The following GLMN variants were observed in gnomAD, a reference collection of about 807,000 sequenced individuals.
GLMN encodes the protein glomulin.
In GLMN, 75 loss-of-function variants were observed where a neutral mutation model predicts 87.8. The ratio of observed to expected loss-of-function variants is 0.85; its 90% CI spans 0.71 to 1.04. The LOEUF (loss-of-function observed/expected upper bound fraction) is 1.04, where lower values mean the gene tolerates loss of function less well. Among genes scored for constraint, GLMN ranks in the 50% least tolerant of loss-of-function variants. The pLI, the probability that GLMN is intolerant of heterozygous loss-of-function variation, is 0.00. For missense variants in GLMN, 588 were observed against 658.8 expected (o/e 0.89, Z 1.18); for synonymous variants, 206 against 221.6 (o/e 0.93, Z 0.63).
At chr1:92,280,861 G>C (rs1019507682) in intron 7 of GLMN, among the ~76,000 whole-genome samples, 2 of 152,002 alleles carry the variant, frequency 1.3e-5, no homozygotes, top group African/African-American at 4.8e-5. Flanking sequence ...TGGAAGAAAG[G>C]GTATCAGTGA....
chr1:92,297,713 C>T (rs1650284666), intron 2 of GLMN, 184 bp from the exon 3 acceptor site: 4 of 644,618 alleles, frequency 6.2e-6, no homozygotes, highest in South Asian at 2.0e-5. Context: ...TAATAAGTGA[C>T]CTTGAAATCT....
chr1:92,279,911 G>A (rs1016006255), intron 7 of GLMN, among the ~76,000 whole-genome samples: 4 of 152,232 alleles, frequency 2.6e-5, no homozygotes, highest in Non-Finnish European at 4.4e-5. Context: ...AGGGGTGTCC[G>A]CCATTGCTGA....
the GLMN span, among the ~76,000 whole-genome samples, chr1:92,330,990 T>C: frequency 6.6e-6 from 1 of 152,136 alleles, no homozygotes; most frequent in Non-Finnish European, 1.5e-5. Flanking sequence ...AGAAGCACTG[T>C]TGGGGTGTGG....
chr1:92,286,661 C>G, intron 6 of GLMN, 69 bp from the exon 7 acceptor site: 1 of 800,924 alleles, frequency 1.2e-6, no homozygotes, highest in Non-Finnish European at 2.2e-6. Context: ...GTCTTCAAAT[C>G]TAAGTTAATT....
At chr1:92,323,732 C>G in the GLMN span, 4 of 1,614,110 alleles carry the variant, frequency 2.5e-6, no homozygotes, top group Non-Finnish European at 3.4e-6. Flanking sequence ...GTAGATGTCA[C>G]TGAGCAGTTA....
At chr1:92,338,879 C>T in the GLMN span, among the ~76,000 whole-genome samples, 1 of 152,096 alleles carries the variant, frequency 6.6e-6, no homozygotes, top group South Asian at 2.1e-4. Flanking sequence ...GCTGGGATTA[C>T]AGACACAGGC....
the GLMN span, among the ~76,000 whole-genome samples, chr1:92,339,367 T>C: frequency 1.5e-5 from 2 of 130,624 alleles, no homozygotes; most frequent in Non-Finnish European, 3.1e-5. Context: ...ATTTAATTGG[T>C]TTGGCATATG....
intron 16 of GLMN, among the ~76,000 whole-genome samples, chr1:92,248,780 C>CA (rs1340550340): frequency 6.7e-6 from 1 of 150,334 alleles, no homozygotes; most frequent in African/African-American, 2.5e-5. Context: ...ATAAAATCTA[C>CA]ACATGTCTAT....
intron 16 of GLMN, among the ~76,000 whole-genome samples, chr1:92,252,531 TC>T (rs1463146783): frequency 6.6e-6 from 1 of 152,232 alleles, no homozygotes; most frequent in Non-Finnish European, 1.5e-5. Flanking sequence ...TCATAAAACT[TC>T]AGGTAATAAA....
chr1:92,302,219 G>A (rs758001586), upstream of GLMN, among the ~76,000 whole-genome samples: 1 of 151,940 alleles, frequency 6.6e-6, no homozygotes, highest in African/African-American at 2.4e-5. Context: ...AGACGTTGCA[G>A]TGAGCTGAGA....
At chr1:92,274,767 C>T (rs1051922657) in intron 7 of GLMN, among the ~76,000 whole-genome samples, 6 of 152,148 alleles carry the variant, frequency 3.9e-5, no homozygotes, top group African/African-American at 1.2e-4. Context: ...ATACTTTAAA[C>T]TCCAATATCC....
intron 3 of GLMN, among the ~76,000 whole-genome samples, chr1:92,295,229 T>C (rs932338800): frequency 6.6e-6 from 1 of 151,104 alleles, no homozygotes; most frequent in Admixed American, 6.6e-5. Flanking sequence ...GGCAGGCCTC[T>C]TCTCTCTACC....
chr1:92,250,440 A>G (rs1420235287), intron 16 of GLMN, among the ~76,000 whole-genome samples: 2 of 152,152 alleles, frequency 1.3e-5, no homozygotes, highest in African/African-American at 4.8e-5. Context: ...TAAGCATTCC[A>G]TTATATGGAA....
At chr1:92,366,513 C>T in the GLMN span, among the ~76,000 whole-genome samples, 16 of 152,122 alleles carry the variant, frequency 1.1e-4, no homozygotes, top group African/African-American at 3.6e-4. Context: ...GTTCTCTATG[C>T]CCAGGGAGCT....
At chr1:92,359,302 A>T in the GLMN span, among the ~76,000 whole-genome samples, 1 of 152,062 alleles carries the variant, frequency 6.6e-6, no homozygotes, top group African/African-American at 2.4e-5. Context: ...GAGATGATGC[A>T]TTTGTTTTTA....
At chr1:92,356,103 T>G in the GLMN span, among the ~76,000 whole-genome samples, 1 of 152,120 alleles carries the variant, frequency 6.6e-6, no homozygotes, top group Non-Finnish European at 1.5e-5. Context: ...GTGGGCCTTT[T>G]TTTCCTCATC....
At chr1:92,295,548 T>C (rs1649947458) in intron 3 of GLMN, among the ~76,000 whole-genome samples, 1 of 152,186 alleles carries the variant, frequency 6.6e-6, no homozygotes, top group African/African-American at 2.4e-5. Flanking sequence ...TTTGATATCA[T>C]ATGTTATCCT....
Position 92,278,072 on chromosome 1 carries a change from C to T in GLMN, c.736-6420G>A, listed in dbSNP as rs116704099. 2.8e-3 allele frequency among the ~76,000 whole-genome samples: 423 copies of T among 152,180 alleles called. 4 individuals are homozygous for T. Among genetic ancestry groups the T allele is most frequent in the African/African-American group, 9.5e-3 (393 of 41,514 alleles). On this transcript the variant is annotated intron_variant, in intron 7 of 18. Transcript: ENST00000370360. ...AATTAGAGGACACCCAATTGGTGTC[C>T]GTTGTACAACTGCTTGCTTGCTTGC...
chr1:92,259,498 G>T (rs1182635104), intron 16 of GLMN, among the ~76,000 whole-genome samples: 1 of 152,062 alleles, frequency 6.6e-6, no homozygotes, highest in East Asian at 1.9e-4. Context: ...AGCAAGAAAA[G>T]AAATGGATTA....
Sources: gnomAD v4.1 joint callset for allele counts (sites outside exome capture counted in the v4.1 genomes callset) on GRCh38, gnomAD v4.1.1 for gene constraint, MANE v1.5 for transcripts, NCBI Gene and HGNC (gene_info 2026-07-23, HGNC 2026-07-21) for gene names.